PTN: variants seen among roughly 807,000 people sequenced by gnomAD.
PTN encodes pleiotrophin.
A neutral mutation model predicts 24.1 loss-of-function variants in PTN; 18 were observed. The ratio of observed to expected loss-of-function variants is 0.75; its 90% CI spans 0.52 to 1.11. PTN has a LOEUF of 1.11. Ranked by LOEUF, PTN falls within the 50% of genes least tolerant of loss-of-function variation. The pLI is 0.00. For missense variants in PTN, 163 were observed against 198.8 expected, an observed-to-expected ratio of 0.82 and a Z score of 1.08; for synonymous variants, 78 against 68.6, an observed-to-expected ratio of 1.14 and a Z score of -0.67.
At chr7:137,242,430 A>G (rs1808646781) in intron 4 of PTN, among the ~76,000 whole-genome samples, 1 of 152,042 alleles carries the variant, frequency 6.6e-6, no homozygotes, top group African/African-American at 2.4e-5. Flanking sequence ...ACTGACATTC[A>G]TTCCCTGACT....
At position 137,296,373 on chromosome 7, in the gene PTN, T is replaced by C. The variant is rs138527009; in HGVS notation, c.-1-41399A>G. Among the ~76,000 whole-genome samples, 590 of 152,086 alleles carry C rather than the reference T, an allele frequency of 3.9e-3. 3 individuals are homozygous for C. Among genetic ancestry groups the C allele is most frequent in the African/African-American group, 0.014 (566 of 41,514 alleles). On this transcript the variant is annotated intron_variant, in intron 1 of 4. Coordinates refer to ENST00000348225, the MANE Select transcript of PTN (RefSeq NM_002825.7). The stretch of plus-strand genomic sequence containing the variant: ...AAACCAAGAAAAATTCAAGTAGACA[T>C]ATTAAAACACTAATGTATAAATAGA...
chr7:137,331,436 A>G (rs1038400083), intron 1 of PTN, among the ~76,000 whole-genome samples: 8 of 152,218 alleles, frequency 5.3e-5, no homozygotes, highest in Admixed American at 5.2e-4. Flanking sequence ...GGGAATCCCA[A>G]TACTGGCACA....
intron 1 of PTN, among the ~76,000 whole-genome samples, chr7:137,262,067 T>A (rs1304587284): frequency 1.3e-5 from 2 of 152,208 alleles, no homozygotes; most frequent in Non-Finnish European, 2.9e-5. Context: ...CTATGACTAT[T>A]CAGAATCTAT....
At chr7:137,307,762 C>T (rs1809912927) in intron 1 of PTN, among the ~76,000 whole-genome samples, 1 of 152,014 alleles carries the variant, frequency 6.6e-6, no homozygotes, top group Non-Finnish European at 1.5e-5. Context: ...CAAACCAATA[C>T]CAACAACCCT....
rs375024563 is a variant in PTN, at chr7:137,257,872, A to G, written c.-1-2898T>C. Among the ~76,000 whole-genome samples, 6 of 152,296 alleles carry G rather than the reference A, an allele frequency of 3.9e-5. 1 individual carries two copies. The highest frequency in any genetic ancestry group is 1.4e-4 in the African/African-American group (6 of 41,574). On this transcript the variant is annotated intron_variant, in intron 1 of 4. Transcript: ENST00000348225. ...GGATGCTCATCCATAGTCCTATGAT[A>G]CCTACAGCAAGAAGAGAGGCCAGAA...
intron 1 of PTN, among the ~76,000 whole-genome samples, chr7:137,336,903 C>CTA (rs1562975162): frequency 1.8e-4 from 28 of 152,216 alleles, no homozygotes; most frequent in Admixed American, 1.6e-3. Context: ...GTATGTGCTC[C>CTA]CATGTTAGAG....
At chr7:137,270,763 A>C (rs2128874338) in intron 1 of PTN, among the ~76,000 whole-genome samples, 1 of 152,340 alleles carries the variant, frequency 6.6e-6, no homozygotes, top group East Asian at 1.9e-4. Flanking sequence ...AAAGAGATTC[A>C]TACACAAGGT....
intron 1 of PTN, among the ~76,000 whole-genome samples, chr7:137,262,051 G>A (rs1809049070): frequency 6.6e-6 from 1 of 152,156 alleles, no homozygotes; most frequent in Non-Finnish European, 1.5e-5. Context: ...CCTTGTGGAA[G>A]AGTTTCTATG....
chr7:137,247,553 CA>C lies in PTN; in HGVS notation c.451+3676del, dbSNP rs200169665. 2.7e-3 allele frequency among the ~76,000 whole-genome samples: 407 copies of C among 151,762 alleles called. 20 individuals carry two copies. The East Asian group carries it at 0.051, about 19-fold the overall frequency. On this transcript the variant is annotated intron_variant, in intron 4 of 4. Transcript: ENST00000348225. ...GGGTGGTTGGGATGGTTAATGGGTA[CA>C]AAAAAATAGAAAGAATGAATAAGAC...
chr7:137,245,777 T>A (rs1808712060), intron 4 of PTN, among the ~76,000 whole-genome samples: 1 of 152,174 alleles, frequency 6.6e-6, no homozygotes, highest in Non-Finnish European at 1.5e-5. Context: ...TGACCCTGTG[T>A]AGACCTAGGC....
chr7:137,242,416 A>G (rs1808646549), intron 4 of PTN, among the ~76,000 whole-genome samples: 2 of 151,986 alleles, frequency 1.3e-5, no homozygotes, highest in Admixed American at 1.3e-4. Context: ...GGACAGCAGG[A>G]GGGACTGACA....
chr7:137,289,326 G>C (rs925532728), intron 1 of PTN, among the ~76,000 whole-genome samples: 10 of 152,154 alleles, frequency 6.6e-5, no homozygotes, highest in African/African-American at 1.9e-4. Context: ...CAAAGGGAAA[G>C]AGCAGTCCTG....
At chr7:137,332,864 G>T (rs1810381728) in intron 1 of PTN, among the ~76,000 whole-genome samples, 1 of 152,154 alleles carries the variant, frequency 6.6e-6, no homozygotes, top group South Asian at 2.1e-4. Context: ...TGGGCACAAT[G>T]ACCCCACGGC....
At chr7:137,294,074 T>G (rs548503575) in intron 1 of PTN, among the ~76,000 whole-genome samples, 1 of 152,258 alleles carries the variant, frequency 6.6e-6, no homozygotes, top group East Asian at 1.9e-4. Flanking sequence ...CCCCTTTTAT[T>G]TTACTTCCTA....
At chr7:137,284,908 G>T (rs1809529812) in intron 1 of PTN, among the ~76,000 whole-genome samples, 1 of 152,160 alleles carries the variant, frequency 6.6e-6, no homozygotes, top group African/African-American at 2.4e-5. Flanking sequence ...AGTAAATACT[G>T]ACTTGAAATA....
At chr7:137,250,091 A>G (rs1266796221) in intron 4 of PTN, among the ~76,000 whole-genome samples, 1 of 152,098 alleles carries the variant, frequency 6.6e-6, no homozygotes, top group African/African-American at 2.4e-5. Flanking sequence ...TGGCAGTATG[A>G]ATTTTCAGGA....
At chr7:137,282,263 A>T (rs1454455005) in intron 1 of PTN, among the ~76,000 whole-genome samples, 4 of 152,264 alleles carry the variant, frequency 2.6e-5, no homozygotes, top group African/African-American at 4.8e-5. Flanking sequence ...TTACAAAAGT[A>T]TGAGCTATGT....
chr7:137,276,541 G>A (rs879335555), intron 1 of PTN, among the ~76,000 whole-genome samples: 9 of 152,166 alleles, frequency 5.9e-5, no homozygotes, highest in Non-Finnish European at 1.0e-4. Flanking sequence ...GCACATGTAC[G>A]CAAGACTTCA....
At chr7:137,333,929 C>T (rs1283189026) in intron 1 of PTN, among the ~76,000 whole-genome samples, 1 of 152,048 alleles carries the variant, frequency 6.6e-6, no homozygotes, top group Non-Finnish European at 1.5e-5. Flanking sequence ...CTGAGAAAAA[C>T]AAGCAATGGG....
Sources: gnomAD v4.1 joint callset for allele counts (sites outside exome capture counted in the v4.1 genomes callset) on GRCh38, gnomAD v4.1.1 for gene constraint, MANE v1.5 for transcripts, NCBI Gene and HGNC (gene_info 2026-07-23, HGNC 2026-07-21) for gene names.